Variants in PPTC7 observed in about 807,000 individuals in gnomAD.
The protein encoded by PPTC7 is protein phosphatase PTC7 homolog.
A neutral mutation model predicts 30.8 loss-of-function variants in PPTC7; 6 were observed. That is an observed-to-expected ratio of 0.19 (90% confidence interval 0.11 to 0.38). The LOEUF (loss-of-function observed/expected upper bound fraction) is 0.38, where lower values mean the gene tolerates loss of function less well. Ranked by LOEUF, PPTC7 falls within the 10% of genes least tolerant of loss-of-function variation. The probability of loss-of-function intolerance (pLI) is 1.00; values close to 1 mark genes in which losing one functional copy is unlikely to be tolerated. For missense variants in PPTC7, 218 were observed against 404.8 expected, an observed-to-expected ratio of 0.54 and a Z score of 3.96; for synonymous variants, 163 against 168.1, an observed-to-expected ratio of 0.97 and a Z score of 0.23.
At chr12:110,548,844 C>T (rs2064330872) in intron 2 of PPTC7, among the ~76,000 whole-genome samples, 2 of 152,158 alleles carry the variant, frequency 1.3e-5, no homozygotes, top group African/African-American at 4.8e-5. Context: ...CCTTACAGAA[C>T]CATCTGGGCT....
chr12:110,548,795 C>T (rs1158958787), intron 2 of PPTC7, among the ~76,000 whole-genome samples: 2 of 150,032 alleles, frequency 1.3e-5, no homozygotes, highest in Non-Finnish European at 3.0e-5. Flanking sequence ...AGTGACTGAG[C>T]TTCAGTATCC....
At position 110,538,217 on chromosome 12, in the gene PPTC7, A is replaced by G. The variant is rs1420603056; in HGVS notation, c.783T>C (p.His261=). Residue 261 remains histidine, a synonymous_variant, in exon 5 of 6, where the codon CAT becomes CAC. Coordinates refer to ENST00000354300, the MANE Select transcript of PPTC7 (RefSeq NM_139283.2). ...TATAATTTGGGTCATAGGCCAGCTC[A>G]TGAGCTTGCTCAGCAATGCTTCTGG... The part of the protein sequence containing the change: ...QTARSIAEQA[H]ELAYDPNYMS... The G allele has an allele frequency of 6.2e-7, 1 of 1,610,452 alleles. No homozygotes were observed. Among genetic ancestry groups the G allele is most frequent in the African/African-American group, 1.3e-5 (1 of 74,970 alleles).
chr12:110,537,784 A>T (rs1446663929), intron 5 of PPTC7, among the ~76,000 whole-genome samples: 3 of 152,226 alleles, frequency 2.0e-5, no homozygotes, highest in Non-Finnish European at 4.4e-5. Flanking sequence ...GGAAGGGAGA[A>T]GCGAAATGTC....
intron 2 of PPTC7, among the ~76,000 whole-genome samples, chr12:110,547,857 C>T (rs1197839462): frequency 6.6e-6 from 1 of 152,134 alleles, no homozygotes; most frequent in Non-Finnish European, 1.5e-5. Context: ...GTAATCCCAG[C>T]ACTTTGAGAG....
intron 2 of PPTC7, 119 bp from the exon 3 acceptor site, chr12:110,546,197 G>GCCTAA: frequency 2.6e-6 from 2 of 766,682 alleles, no homozygotes; most frequent in Non-Finnish European, 4.3e-6. Context: ...GCCTAAACAG[G>GCCTAA]ACCTTTCTTA....
rs188043121 is a variant in PPTC7, at chr12:110,563,491, T to C, written c.224-11523A>G. On this transcript the variant is annotated intron_variant, in intron 1 of 5. Coordinates refer to ENST00000354300, the MANE Select transcript of PPTC7 (RefSeq NM_139283.2). The stretch of plus-strand genomic sequence containing the variant: ...TTAGCCAGGCGTGGTAGCACATGCC[T>C]GTAATCCCAGCTACTCAGGAGACTG... 6.9e-3 allele frequency among the ~76,000 whole-genome samples: 1,044 copies of C among 152,210 alleles called. 1 individual carries two copies. The highest frequency in any genetic ancestry group is 9.4e-3 in the Non-Finnish European group (637 of 68,016).
Position 110,554,704 on chromosome 12 carries a change from A to G in PPTC7, c.224-2736T>C, listed in dbSNP as rs569572532. ...ACAATCTTCTACTCAAACTCTTGCAAAACACCAAGCTATTCTTTCCAACAC... is the reference window on the plus strand; with the variant it reads ...ACAATCTTCTACTCAAACTCTTGCAGAACACCAAGCTATTCTTTCCAACAC... On this transcript the variant is annotated intron_variant, in intron 1 of 5. Coordinates refer to ENST00000354300, the MANE Select transcript of PPTC7 (RefSeq NM_139283.2). Among the ~76,000 whole-genome samples the G allele has an allele frequency of 4.6e-5, 7 of 152,296 alleles. No homozygotes were observed. In the South Asian group the frequency reaches 1.0e-3, roughly 23 times the overall value.
rs1435923655 is a variant in PPTC7, at chr12:110,583,098, G to A, written c.-67C>T. 2.4e-5 allele frequency: 30 copies of A among 1,266,568 alleles called. No homozygotes were observed. Among genetic ancestry groups the A allele is most frequent in the Non-Finnish European group, 2.1e-5 (21 of 992,832 alleles). The allele number at this position is 1,266,568 out of a possible 1,614,324, so 78.5% of individuals were successfully genotyped here. On this transcript the variant is annotated 5_prime_UTR_variant, in exon 1 of 6. Transcript: ENST00000354300. ...CAGGAGGACGCGGAGGCCCGGAGCC[G>A]GCTCTCTCCTCAGCCGCAGTCGCGC...
Position 110,582,903 on chromosome 12 carries a change from G to C in PPTC7, c.129C>G (p.Phe43Leu). 1 of 1,551,758 alleles carries C rather than the reference G, an allele frequency of 6.4e-7. No individual in the cohort carries two copies. Among genetic ancestry groups the C allele is most frequent in the Non-Finnish European group, 8.7e-7 (1 of 1,148,056 alleles). ...DYGLVTAGCGFGKDFRKGLLK... is the reference protein window; with the variant it reads ...DYGLVTAGCGLGKDFRKGLLK... ...GGAGGCCCTTACGGAAGTCCTTCCCGAAGCCGCAGCCGGCCGTCACCAGTC... is the reference window on the plus strand; with the variant it reads ...GGAGGCCCTTACGGAAGTCCTTCCCCAAGCCGCAGCCGGCCGTCACCAGTC... The change falls in exon 1 of 6, where the codon TTC becomes TTG. Residue 43 changes from phenylalanine to leucine, a missense_variant. Coordinates refer to ENST00000354300, the MANE Select transcript of PPTC7 (RefSeq NM_139283.2).
intron 1 of PPTC7, among the ~76,000 whole-genome samples, chr12:110,575,361 C>T (rs1487013648): frequency 1.3e-5 from 2 of 152,180 alleles, no homozygotes; most frequent in African/African-American, 4.8e-5. Context: ...GGCAAGACCT[C>T]TCTCTAAAAG....
chr12:110,547,455 A>G (rs1004902959), intron 2 of PPTC7, among the ~76,000 whole-genome samples: 6 of 152,246 alleles, frequency 3.9e-5, no homozygotes, highest in South Asian at 2.1e-4. Context: ...TCAAACCCTT[A>G]TAACAGATAG....
In PPTC7 at chr12:110,545,970, T is replaced by A; in HGVS notation, c.512A>T (p.His171Leu). 6.2e-7 allele frequency: 1 copy of A among 1,614,170 alleles called. No individual in the cohort carries two copies. Among genetic ancestry groups the A allele is most frequent in the Non-Finnish European group, 8.5e-7 (1 of 1,180,024 alleles). The stretch of plus-strand genomic sequence containing the variant: ...GTAATGCTGCTGCTCATCTGATCGG[T>A]GCACGACTTCACCACCCCTGACAAC... ...FLVVRGGEVV[H>L]RSDEQQHYFN... Residue 171 changes from histidine (H) to leucine (L), a missense_variant, in exon 3 of 6, where the codon CAC becomes CTC. Transcript: ENST00000354300.
intron 1 of PPTC7, among the ~76,000 whole-genome samples, chr12:110,568,899 C>T (rs1212588741): frequency 6.6e-6 from 1 of 152,174 alleles, no homozygotes; most frequent in Non-Finnish European, 1.5e-5. Context: ...CCTGTAGTCT[C>T]AACTACTTGA....
Position 110,536,952 on chromosome 12 carries a change from G to T in PPTC7, c.*85C>A. ...ACTGGCCATTGAGATCAGTGGCAAA[G>T]AAATGTGGTCCTGCCAGCAGGATCA... On this transcript the variant is annotated 3_prime_UTR_variant, in exon 6 of 6. Coordinates refer to ENST00000354300, the MANE Select transcript of PPTC7 (RefSeq NM_139283.2). 1 of 1,015,244 alleles carries T rather than the reference G, an allele frequency of 9.8e-7. No homozygotes were observed. The highest frequency in any genetic ancestry group is 1.6e-6 in the Non-Finnish European group (1 of 644,384). The allele number at this position is 1,015,244 out of a possible 1,614,324, so 62.9% of individuals were successfully genotyped here. A position where few individuals can be genotyped will look rare whatever the true frequency, so the allele number is the denominator to read the frequency against.
chr12:110,558,516 A>C (rs1316861925), intron 1 of PPTC7, among the ~76,000 whole-genome samples: 1 of 152,266 alleles, frequency 6.6e-6, no homozygotes, highest in East Asian at 1.9e-4. Context: ...CCCTTGACCC[A>C]AAATCCAATT....
chr12:110,559,626 T>A (rs2064420680), intron 1 of PPTC7, among the ~76,000 whole-genome samples: 1 of 150,400 alleles, frequency 6.6e-6, no homozygotes, highest in South Asian at 2.1e-4. Context: ...CTTGGGATGC[T>A]GAGGCAGGAG....
intron 1 of PPTC7, among the ~76,000 whole-genome samples, chr12:110,570,139 C>A (rs879353264): frequency 6.6e-6 from 1 of 151,154 alleles, no homozygotes; most frequent in Admixed American, 6.6e-5. Context: ...AATTCTTCTG[C>A]CTTGAGATTC....
chr12:110,569,750 C>A (rs1181703296), intron 1 of PPTC7, among the ~76,000 whole-genome samples: 1 of 152,202 alleles, frequency 6.6e-6, no homozygotes, highest in Non-Finnish European at 1.5e-5. Context: ...TGAAACAAAG[C>A]CTTCATTTCT....
Position 110,551,846 on chromosome 12 carries a change from T to C in PPTC7, c.346A>G (p.Ile116Val). The change falls in exon 2 of 6, where the codon ATT becomes GTT. Residue 116 changes from isoleucine (I) to valine (V), a missense_variant. Coordinates refer to ENST00000354300, the MANE Select transcript of PPTC7 (RefSeq NM_139283.2). ...CAGTAGCTTGTGGTGAGAATTCCAA[T>C]GGGATTACTAGGTACGAACCGTCCT... ...KEGRFVPSNP[I>V]GILTTSYCEL... 1 of 1,614,214 alleles carries C rather than the reference T, an allele frequency of 6.2e-7. No individual in the cohort carries two copies. The highest frequency in any genetic ancestry group is 8.5e-7 in the Non-Finnish European group (1 of 1,180,022).
Sources: allele counts gnomAD v4.1 joint callset (sites outside exome capture counted in the v4.1 genomes callset), GRCh38; gene constraint gnomAD v4.1.1; transcripts MANE v1.5; gene names NCBI Gene and HGNC (gene_info 2026-07-23, HGNC 2026-07-21).